DNAH8: variants seen among roughly 807,000 people sequenced by gnomAD.
DNAH8 encodes the protein axonemal beta dynein heavy chain 8.
DNAH8 carries 382 observed loss-of-function variants against 562.1 expected under a neutral mutation model. The observed-to-expected ratio is 0.68, with a 90% CI of 0.63 to 0.74. The LOEUF is 0.74. DNAH8 is among the 30% of genes least tolerant of loss of function. DNAH8 has a pLI of 0.00. For missense variants in DNAH8, 5,203 were observed against 5,620.4 expected, an observed-to-expected ratio of 0.93 and a Z score of 2.37; for synonymous variants, 1,881 against 1,919.4, an observed-to-expected ratio of 0.98 and a Z score of 0.52.
chr6:38,862,504 T>G, intron 44 of DNAH8, 46 bp downstream of exon 44: 1 of 1,559,688 alleles, frequency 6.4e-7, no homozygotes, highest in Non-Finnish European at 8.7e-7. Flanking sequence ...TTTATTTTTA[T>G]TGCCTTTTAA....
chr6:38,814,922 A>G (rs937299061), intron 25 of DNAH8, among the ~76,000 whole-genome samples: 1 of 152,170 alleles, frequency 6.6e-6, no homozygotes, highest in Admixed American at 6.5e-5. Flanking sequence ...GCCACATGGG[A>G]TGGCTGAGCT....
At chr6:39,013,795 G>A (rs1281936322) in intron 91 of DNAH8, among the ~76,000 whole-genome samples, 1 of 151,960 alleles carries the variant, frequency 6.6e-6, no homozygotes. Context: ...AGATTGCAGT[G>A]AGCCATAATT....
chr6:38,965,075 TAAAATAAAA>T (rs1762883879), intron 82 of DNAH8, among the ~76,000 whole-genome samples: 1 of 9,708 alleles, frequency 1.0e-4, no homozygotes, highest in African/African-American at 3.3e-4. Flanking sequence ...AAAAATAAAA[TAAAATAAAA>T]TAAAATAAAA....
At chr6:38,796,806 A>G (rs1427857646) in intron 21 of DNAH8, among the ~76,000 whole-genome samples, 1 of 151,894 alleles carries the variant, frequency 6.6e-6, no homozygotes, top group Non-Finnish European at 1.5e-5. Flanking sequence ...TGGAGACATG[A>G]GCCCGCCGAT....
At chr6:38,732,627 C>G (rs562520984) in intron 4 of DNAH8, among the ~76,000 whole-genome samples, 38 of 152,300 alleles carry the variant, frequency 2.5e-4, no homozygotes, top group African/African-American at 8.7e-4. Flanking sequence ...AGCATTTCCA[C>G]AGATTTCAGG....
chr6:38,826,039 G>A lies in DNAH8; in HGVS notation c.3848-117G>A, dbSNP rs12197467. 108,951 of 636,774 alleles carry A rather than the reference G, an allele frequency of 0.17. 10,979 individuals carry two copies. Among genetic ancestry groups the A allele is most frequent in the Non-Finnish European group, 0.21 (77,718 of 370,314 alleles). 39.4% of individuals were successfully genotyped at this position (636,774 alleles called of 1,614,324 possible). A position where few individuals can be genotyped will look rare whatever the true frequency, so the allele number is the denominator to read the frequency against. ...GTAATTCATACTAACCACATTTCAAGTGTTCAAAAGCCACATGTGGTTAGT... is the reference window on the plus strand; with the variant it reads ...GTAATTCATACTAACCACATTTCAAATGTTCAAAAGCCACATGTGGTTAGT... On this transcript the variant is annotated intron_variant, in intron 28 of 92. Transcript: ENST00000327475.
intron 87 of DNAH8, among the ~76,000 whole-genome samples, chr6:38,986,674 A>C (rs991039266): frequency 2.0e-5 from 3 of 152,272 alleles, no homozygotes; most frequent in Non-Finnish European, 2.9e-5. Context: ...GGTTAGCTTC[A>C]GAATATAATT....
At chr6:38,758,973 T>C (rs1221619928) in intron 10 of DNAH8, among the ~76,000 whole-genome samples, 1 of 152,070 alleles carries the variant, frequency 6.6e-6, no homozygotes, top group East Asian at 1.9e-4. Context: ...TCATCAGGGA[T>C]ATTGGTCTTT....
intron 73 of DNAH8, among the ~76,000 whole-genome samples, chr6:38,925,457 A>G (rs1782045247): frequency 6.6e-6 from 1 of 151,860 alleles, no homozygotes; most frequent in Admixed American, 6.6e-5. Flanking sequence ...CAGACTCCCA[A>G]AATGCTGGGA....
chr6:38,726,780 G>A (rs1306575398), intron 3 of DNAH8, among the ~76,000 whole-genome samples: 3 of 151,772 alleles, frequency 2.0e-5, no homozygotes, highest in Non-Finnish European at 4.4e-5. Context: ...GATGGAACAA[G>A]GAACAAGGGG....
At chr6:38,952,270 G>A (rs987649685) in intron 82 of DNAH8, among the ~76,000 whole-genome samples, 1 of 152,144 alleles carries the variant, frequency 6.6e-6, no homozygotes, top group Non-Finnish European at 1.5e-5. Context: ...GTGTTTATAA[G>A]TGTGACTGAG....
At chr6:38,976,710 T>C (rs1763701703) in intron 85 of DNAH8, among the ~76,000 whole-genome samples, 1 of 152,236 alleles carries the variant, frequency 6.6e-6, no homozygotes, top group Non-Finnish European at 1.5e-5. Context: ...TGGATTAGAT[T>C]GTTTGTGACT....
chr6:38,904,925 C>G (rs1012713819), intron 62 of DNAH8, among the ~76,000 whole-genome samples: 2 of 151,800 alleles, frequency 1.3e-5, no homozygotes, highest in African/African-American at 4.8e-5. Flanking sequence ...AGAAGAAGCA[C>G]AGAGAATACT....
At chr6:38,732,000 G>A (rs1264222359) in intron 4 of DNAH8, among the ~76,000 whole-genome samples, 2 of 152,180 alleles carry the variant, frequency 1.3e-5, no homozygotes, top group Non-Finnish European at 2.9e-5. Context: ...ATAGGTGTGA[G>A]CCACCACACC....
At chr6:38,933,174 G>T (rs963827562) in intron 76 of DNAH8, among the ~76,000 whole-genome samples, 1 of 151,920 alleles carries the variant, frequency 6.6e-6, no homozygotes, top group Non-Finnish European at 1.5e-5. Context: ...ATGATTCCTC[G>T]CTGGTCTAGA....
chr6:38,882,767 CA>C (rs1561811654), intron 53 of DNAH8, 142 bp from the exon 54 acceptor site: 1 of 557,676 alleles, frequency 1.8e-6, no homozygotes, highest in South Asian at 4.5e-5. Context: ...ATAAGATAAG[CA>C]GATATATTAA....
At chr6:39,012,147 A>T in intron 89 of DNAH8, 68 bp from the exon 90 acceptor site, 1 of 1,142,172 alleles carries the variant, frequency 8.8e-7, no homozygotes, top group Non-Finnish European at 1.3e-6. Context: ...ATTGAGAAAG[A>T]AGAGGTTATT....
At position 39,008,804 on chromosome 6, in the gene DNAH8, T is replaced by A; in HGVS notation, c.13215-10T>A. On this transcript the variant is annotated splice_polypyrimidine_tract_variant and intron_variant, in intron 88 of 92. Transcript: ENST00000327475. ...CTGTAACATTCTGAACAGCTCACTC[T>A]TTTTACTAGGTATCAGAGTAACACT... 1.3e-6 allele frequency: 2 copies of A among 1,580,578 alleles called. No homozygotes were observed. The highest frequency in any genetic ancestry group is 1.7e-6 in the Non-Finnish European group (2 of 1,153,154).
rs564074826 is a variant in DNAH8 at position 39,012,342 on chromosome 6, T to C, written c.13499T>C (p.Ile4500Thr). 1.4e-5 allele frequency: 23 copies of C among 1,613,030 alleles called. No individual in the cohort carries two copies. The highest frequency in any genetic ancestry group is 1.3e-4 in the East Asian group (6 of 44,846). ...AGCCTGAGTGATCTAAAATTGGCCATTGAAGGAACAATCATTATGAGTGAG... is the reference window on the plus strand; with the variant it reads ...AGCCTGAGTGATCTAAAATTGGCCACTGAAGGAACAATCATTATGAGTGAG... ...RSSLSDLKLAIEGTIIMSENL... is the reference protein window; with the variant it reads ...RSSLSDLKLATEGTIIMSENL... The change falls in exon 90 of 93, where the codon ATT becomes ACT. Residue 4500 changes from isoleucine to threonine, a missense_variant. Physicochemically the swap from Ile to Thr is moderately conservative, Grantham distance 89 (BLOSUM62 -1). Transcript: ENST00000327475.
Sources: gnomAD v4.1 joint callset for allele counts (sites outside exome capture counted in the v4.1 genomes callset) on GRCh38, gnomAD v4.1.1 for gene constraint, MANE v1.5 for transcripts, NCBI Gene and HGNC (gene_info 2026-07-23, HGNC 2026-07-21) for gene names.